The following OTOGL variants were observed in gnomAD, a reference collection of about 807,000 sequenced individuals.
OTOGL encodes otogelin-like protein.
A neutral mutation model predicts 318.5 loss-of-function variants in OTOGL; 285 were observed. The observed-to-expected ratio is 0.89, with a 90% CI of 0.81 to 0.99. The LOEUF (loss-of-function observed/expected upper bound fraction) is 0.99. Among genes scored for constraint, OTOGL ranks in the 50% least tolerant of loss-of-function variants. OTOGL has a pLI of 0.00. For synonymous variants in OTOGL, 987 were observed against 936.5 expected (o/e 1.05, Z -0.99); for missense variants, 2,899 against 2,845.6 (o/e 1.02, Z -0.43).
At chr12:80,259,510 G>T (rs529857447) in intron 18 of OTOGL, among the ~76,000 whole-genome samples, 8 of 151,990 alleles carry the variant, frequency 5.3e-5, no homozygotes, top group African/African-American at 1.9e-4. Context: ...TTAGGTATTT[G>T]TCTTAATGCT....
chr12:80,368,829 T>A (rs924297250), intron 55 of OTOGL, among the ~76,000 whole-genome samples: 3 of 151,878 alleles, frequency 2.0e-5, no homozygotes, highest in Non-Finnish European at 4.4e-5. Flanking sequence ...ATTTTTTTTT[T>A]TTTTTTGCAA....
intron 11 of OTOGL, among the ~76,000 whole-genome samples, chr12:80,250,369 C>T (rs74770991): frequency 0.067 from 10,118 of 151,980 alleles, 464 homozygotes; most frequent in Middle Eastern, 0.11. Context: ...TGTCATGGTT[C>T]CTAGAATAAC....
rs1179288054 is a variant in OTOGL at position 80,217,489 on chromosome 12, C to T, written c.169-109C>T. ...ATAACCCCAGAAAATATAAAGTCAG[C>T]ACTTTATCATTTCTGTATTTGTAGT... On this transcript the variant is annotated intron_variant, in intron 4 of 58. Transcript: ENST00000547103. The T allele has an allele frequency of 4.0e-6, 3 of 755,192 alleles. No individual in the cohort carries two copies. The African/African-American group carries it at 5.3e-5, about 13-fold the overall frequency. The allele number at this position is 755,192 out of a possible 1,614,324, so 46.8% of individuals were successfully genotyped here. A position where few individuals can be genotyped will look rare whatever the true frequency, so the allele number is the denominator to read the frequency against.
intron 1 of OTOGL, among the ~76,000 whole-genome samples, chr12:80,145,485 G>T (rs956664338): frequency 1.3e-5 from 2 of 151,912 alleles, no homozygotes; most frequent in African/African-American, 2.4e-5. Context: ...TTGAAGTCAG[G>T]TAGTGTGATG....
intron 29 of OTOGL, among the ~76,000 whole-genome samples, chr12:80,309,201 A>G (rs891256351): frequency 6.6e-6 from 1 of 152,216 alleles, no homozygotes; most frequent in Non-Finnish European, 1.5e-5. Context: ...TGGATAAATC[A>G]CAGTCTTTGC....
chr12:80,152,521 G>A (rs141205612), intron 1 of OTOGL, among the ~76,000 whole-genome samples: 27 of 152,166 alleles, frequency 1.8e-4, no homozygotes, highest in African/African-American at 4.3e-4. Context: ...AACTTGGAGG[G>A]CACTCATCCC....
chr12:80,143,281 A>G (rs1216268747), intron 1 of OTOGL, among the ~76,000 whole-genome samples: 3 of 152,186 alleles, frequency 2.0e-5, no homozygotes, highest in Non-Finnish European at 2.9e-5. Context: ...TGAAGTCCCT[A>G]AAGTTTAGAA....
intron 1 of OTOGL, chr12:80,103,420 C>T (rs1220400057): frequency 1.5e-6 from 1 of 669,114 alleles, no homozygotes; most frequent in African/African-American, 1.8e-5. Context: ...TTCTCACTTG[C>T]TGTCCCTATG....
intron 1 of OTOGL, among the ~76,000 whole-genome samples, chr12:80,150,380 T>G (rs1408386962): frequency 6.6e-6 from 1 of 152,210 alleles, no homozygotes; most frequent in Non-Finnish European, 1.5e-5. Context: ...GATAAAGCTG[T>G]TCAAAAGAAA....
chr12:80,185,960 G>T (rs1160227428), intron 1 of OTOGL, among the ~76,000 whole-genome samples: 1 of 152,172 alleles, frequency 6.6e-6, no homozygotes, highest in Non-Finnish European at 1.5e-5. Context: ...AGATCAAGAA[G>T]ATATAGAAAC....
At chr12:80,190,275 G>A (rs117534551) in intron 1 of OTOGL, among the ~76,000 whole-genome samples, 1 of 152,128 alleles carries the variant, frequency 6.6e-6, no homozygotes, top group African/African-American at 2.4e-5. Flanking sequence ...GTAAAACGCA[G>A]ATTTTAATTA....
chr12:80,318,562 A>G lies in OTOGL; in HGVS notation c.3651A>G (p.Pro1217=), dbSNP rs1389249599. 2.4e-5 allele frequency: 33 copies of G among 1,361,718 alleles called. No homozygotes were observed. Among genetic ancestry groups the G allele is most frequent in the Non-Finnish European group, 3.1e-5 (33 of 1,053,974 alleles). 84.4% of individuals were successfully genotyped at this position (1,361,718 alleles called of 1,614,324 possible). A position where few individuals can be genotyped will look rare whatever the true frequency, so the allele number is the denominator to read the frequency against. The change falls in exon 33 of 59, where the codon CCA becomes CCG. Residue 1217 remains proline, a synonymous_variant. Coordinates refer to ENST00000547103, the MANE Select transcript of OTOGL (RefSeq NM_001378609.3). ...TTTAACTAGGACTTGGAGAAGGACC[A>G]TATATGCTGGCAAGCTATGGGCAGA... ...EYYNEGLGEG[P]YMLASYGQSG... is the part of the protein sequence containing the mutation.
At position 80,217,669 on chromosome 12, in the gene OTOGL, G is replaced by C; in HGVS notation, c.235+5G>C. The C allele has an allele frequency of 6.6e-7, 1 of 1,511,986 alleles. No homozygotes were observed. The allele number at this position is 1,511,986 out of a possible 1,614,324, so 93.7% of individuals were successfully genotyped here. A position where few individuals can be genotyped will look rare whatever the true frequency, so the allele number is the denominator to read the frequency against. ...GGGGTGAGAGCAAAATAAAAGGTCA[G>C]TGTTTATACTTAGGTTTTCATATTT... On this transcript the variant is annotated splice_donor_5th_base_variant and intron_variant, in intron 5 of 58. Coordinates refer to ENST00000547103, the MANE Select transcript of OTOGL (RefSeq NM_001378609.3).
chr12:80,322,942 G>A (rs1449268902), intron 34 of OTOGL, among the ~76,000 whole-genome samples: 1 of 152,116 alleles, frequency 6.6e-6, no homozygotes, highest in Non-Finnish European at 1.5e-5. Context: ...TGGCTGCTGT[G>A]AGTCTCAATT....
At chr12:80,151,271 A>G (rs1022899175) in intron 1 of OTOGL, among the ~76,000 whole-genome samples, 11 of 152,222 alleles carry the variant, frequency 7.2e-5, no homozygotes, top group Admixed American at 6.5e-4. Flanking sequence ...GAGGCAAACT[A>G]AGATTTGATA....
At chr12:80,262,734 A>G (rs1268616939) in intron 19 of OTOGL, among the ~76,000 whole-genome samples, 1 of 152,176 alleles carries the variant, frequency 6.6e-6, no homozygotes, top group Non-Finnish European at 1.5e-5. Flanking sequence ...AAAAAGATAT[A>G]CATGTATATA....
At chr12:80,239,583 T>G in intron 11 of OTOGL, 144 bp downstream of exon 11, 1 of 571,964 alleles carries the variant, frequency 1.7e-6, no homozygotes, top group South Asian at 3.3e-5. Flanking sequence ...CTATTAAAAG[T>G]TTGCTATATA....
chr12:80,192,072 T>C (rs1014643432), intron 1 of OTOGL, among the ~76,000 whole-genome samples: 37 of 152,346 alleles, frequency 2.4e-4, no homozygotes, highest in African/African-American at 8.2e-4. Flanking sequence ...TCCTAACCAC[T>C]GTTGTTGTTT....
Position 80,142,096 on chromosome 12 carries a change from A to G in OTOGL, c.-20+42491A>G, listed in dbSNP as rs568759871. 3.0e-4 allele frequency among the ~76,000 whole-genome samples: 46 copies of G among 152,262 alleles called. No homozygotes were observed. In the South Asian group the frequency reaches 9.3e-3, roughly 31 times the overall value. ...TTTGAGTTTCTGAAAGAAGACAAAG[A>G]GAGAGGAGGAGAGAGACTCCTGTGA... On this transcript the variant is annotated intron_variant, in intron 1 of 58. Coordinates refer to ENST00000547103, the MANE Select transcript of OTOGL (RefSeq NM_001378609.3).
Sources: allele counts gnomAD v4.1 joint callset (sites outside exome capture counted in the v4.1 genomes callset), GRCh38; gene constraint gnomAD v4.1.1; transcripts MANE v1.5; gene names NCBI Gene and HGNC (gene_info 2026-07-23, HGNC 2026-07-21).